The following PTPRJ variants were observed in gnomAD, a reference collection of about 807,000 sequenced individuals.
PTPRJ encodes the protein receptor-type tyrosine-protein phosphatase eta.
In PTPRJ, 129 loss-of-function variants were observed where a neutral mutation model predicts 141.3. That is an observed-to-expected ratio of 0.91 (90% CI 0.79 to 1.06). The LOEUF (loss-of-function observed/expected upper bound fraction) is 1.06, where lower values mean the gene tolerates loss of function less well. PTPRJ is among the 50% of genes least tolerant of loss of function. The probability of loss-of-function intolerance (pLI) is 0.00; values close to 1 mark genes in which losing one functional copy is unlikely to be tolerated. For missense variants in PTPRJ, 1,601 were observed against 1,679.7 expected, an observed-to-expected ratio of 0.95 and a Z score of 0.82; for synonymous variants, 610 against 640.5, an observed-to-expected ratio of 0.95 and a Z score of 0.72.
chr11:48,138,089 T>G (rs1474139973), intron 10 of PTPRJ, among the ~76,000 whole-genome samples: 1 of 152,172 alleles, frequency 6.6e-6, no homozygotes, highest in Non-Finnish European at 1.5e-5. Context: ...ACCTCTTCCC[T>G]TTTTAGCCCA....
intron 1 of PTPRJ, among the ~76,000 whole-genome samples, chr11:48,109,217 A>T (rs1404318325): frequency 6.6e-6 from 1 of 152,066 alleles, no homozygotes; most frequent in East Asian, 1.9e-4. Flanking sequence ...GTGTCATGGA[A>T]AGTAGGAGGA....
intron 1 of PTPRJ, among the ~76,000 whole-genome samples, chr11:48,038,258 G>A (rs774960589): frequency 1.3e-5 from 2 of 152,090 alleles, no homozygotes; most frequent in East Asian, 1.9e-4. Flanking sequence ...TGTTCATGGC[G>A]TAACTTAATA....
intron 1 of PTPRJ, among the ~76,000 whole-genome samples, chr11:48,035,638 T>C (rs1854106579): frequency 6.8e-6 from 1 of 146,036 alleles, no homozygotes; most frequent in African/African-American, 2.5e-5. Flanking sequence ...TCACAGAAAA[T>C]GTTCTATGTA....
chr11:48,139,303 GAGCAGTTGGGT>G (rs1305316552), intron 10 of PTPRJ, among the ~76,000 whole-genome samples, 172 bp from the exon 11 acceptor site: 123 of 152,290 alleles, frequency 8.1e-4, no homozygotes, highest in African/African-American at 2.5e-3. Flanking sequence ...CTGAGGCTCA[GAGCAGTTGGGT>G]GACTGACCCA....
intron 10 of PTPRJ, among the ~76,000 whole-genome samples, chr11:48,138,519 GATA>G (rs1308228935): frequency 6.6e-6 from 1 of 152,116 alleles, no homozygotes; most frequent in Non-Finnish European, 1.5e-5. Context: ...TTCAATTAAT[GATA>G]ATACTGTCCT....
At chr11:48,160,516 A>G (rs916063364) in intron 22 of PTPRJ, among the ~76,000 whole-genome samples, 5 of 152,210 alleles carry the variant, frequency 3.3e-5, no homozygotes, top group Admixed American at 2.0e-4. Context: ...AGCAAATCCA[A>G]TTAAATTGTG....
chr11:48,129,019 T>A (rs1397360973), intron 7 of PTPRJ, among the ~76,000 whole-genome samples: 1 of 152,204 alleles, frequency 6.6e-6, no homozygotes, highest in African/African-American at 2.4e-5. Flanking sequence ...AAAACCCAAG[T>A]ATCCGTGGCT....
rs1242319431 is a variant in PTPRJ, at chr11:47,980,977, C to T, written c.65C>T (p.Pro22Leu). The change falls in exon 1 of 25, where the codon CCG becomes CTG. Residue 22 changes from proline (P) to leucine (L), a missense_variant. Pro to Leu is a moderately conservative substitution (Grantham distance 98, BLOSUM62 -3). Transcript: ENST00000418331. ...PRSPGLRWAL[P>L]LLLLLLRLGQ... ...TCGCCCGGGCTGCGCTGGGCGCTGC[C>T]GCTGCTGCTGCTGCTGCTGCGCCTG... 1.7e-6 allele frequency: 2 copies of T among 1,191,830 alleles called. No homozygotes were observed. Among genetic ancestry groups the T allele is most frequent in the Admixed American group, 4.5e-5 (1 of 22,028 alleles). 73.8% of individuals were successfully genotyped at this position (1,191,830 alleles called of 1,614,324 possible).
rs1420059564 is a variant in PTPRJ, at chr11:48,168,539, T to G, written c.*1177T>G. The G allele has an allele frequency of 2.2e-5, 1 of 44,626 alleles. No individual in the cohort carries two copies. Among genetic ancestry groups the G allele is most frequent in the Non-Finnish European group, 4.3e-5 (1 of 23,178 alleles). 2.8% of individuals were successfully genotyped at this position (44,626 alleles called of 1,614,324 possible). A position where few individuals can be genotyped will look rare whatever the true frequency, so the allele number is the denominator to read the frequency against. On this transcript the variant is annotated 3_prime_UTR_variant, in exon 25 of 25. Transcript: ENST00000418331. The stretch of plus-strand genomic sequence containing the variant: ...CACATATCGGAATCTACTGTGTATA[T>G]ATATATATATATATATATATATATA...
intron 1 of PTPRJ, among the ~76,000 whole-genome samples, chr11:47,986,855 A>G (rs1270532599): frequency 1.3e-5 from 2 of 152,166 alleles, no homozygotes; most frequent in Non-Finnish European, 2.9e-5. Context: ...ACAGAGTAGT[A>G]TGGAATAACT....
rs1384261980 is a variant in PTPRJ at position 48,139,744 on chromosome 11, C to T, written c.2411C>T (p.Pro804Leu). ...GTGTCCTGTGGAAAGATGGCAGCCC[C>T]CACCCGGAACACCTGCACTACTGGC... ...TTVSCGKMAA[P>L]TRNTCTTGIT... Residue 804 changes from proline to leucine, a missense_variant, in exon 11 of 25, where the codon CCC becomes CTC. By Grantham distance (98) the Pro-to-Leu change is moderately conservative. Transcript: ENST00000418331. 2 of 1,614,116 alleles carry T rather than the reference C, an allele frequency of 1.2e-6. No homozygotes were observed. The highest frequency in any genetic ancestry group is 1.7e-6 in the Non-Finnish European group (2 of 1,180,032).
chr11:47,999,057 G>T (rs1322319110), intron 1 of PTPRJ, among the ~76,000 whole-genome samples: 2 of 152,168 alleles, frequency 1.3e-5, no homozygotes, highest in African/African-American at 4.8e-5. Flanking sequence ...AAGAATGTCA[G>T]AGTTGGAAAA....
chr11:48,109,366 A>C (rs2134323399), intron 1 of PTPRJ, among the ~76,000 whole-genome samples: 1 of 152,330 alleles, frequency 6.6e-6, no homozygotes, highest in South Asian at 2.1e-4. Context: ...AGATTTTTAA[A>C]GTATAGGGAA....
At chr11:48,125,574 A>G (rs1856812380) in intron 6 of PTPRJ, among the ~76,000 whole-genome samples, 1 of 152,016 alleles carries the variant, frequency 6.6e-6, no homozygotes, top group Admixed American at 6.6e-5. Flanking sequence ...TCATTTTTTC[A>G]CCCGCCTTGT....
At chr11:48,005,182 A>C (rs1224750449) in intron 1 of PTPRJ, among the ~76,000 whole-genome samples, 1 of 152,000 alleles carries the variant, frequency 6.6e-6, no homozygotes, top group African/African-American at 2.4e-5. Context: ...AGATCATGCC[A>C]CTGCACTCCA....
intron 21 of PTPRJ, among the ~76,000 whole-genome samples, chr11:48,159,453 C>T (rs1857708048): frequency 6.6e-6 from 1 of 152,148 alleles, no homozygotes; most frequent in African/African-American, 2.4e-5. Flanking sequence ...TGTCCTAGGT[C>T]AAGGGACAGC....
Position 48,130,459 on chromosome 11 carries a change from C to A in PTPRJ, c.1358C>A (p.Pro453His). 2 of 1,609,580 alleles carry A rather than the reference C, an allele frequency of 1.2e-6. No individual in the cohort carries two copies. Among genetic ancestry groups the A allele is most frequent in the Non-Finnish European group, 1.7e-6 (2 of 1,177,028 alleles). The change falls in exon 8 of 25, where the codon CCC becomes CAC. Residue 453 changes from proline to histidine, a missense_variant and splice_region_variant. Transcript: ENST00000418331. ...CTAGTTGTTTACTTTCTTTGCATAG[C>A]CCCTGTTCCAGTTTCTGACTTCCGA... ...GTPGFLQVHT[P>H]PVPVSDFRVT...
chr11:47,981,339 C>A (rs1053001712), intron 1 of PTPRJ, among the ~76,000 whole-genome samples: 5 of 152,120 alleles, frequency 3.3e-5, no homozygotes, highest in African/African-American at 1.2e-4. Context: ...ACGGGCCCGG[C>A]TTCCTAGCCG....
intron 1 of PTPRJ, among the ~76,000 whole-genome samples, chr11:48,085,761 G>C (rs532533165): frequency 2.6e-5 from 4 of 152,200 alleles, no homozygotes; most frequent in Admixed American, 6.5e-5. Context: ...GAGCCCTGTG[G>C]ACTATGGAAG....
Sources: allele counts gnomAD v4.1 joint callset (sites outside exome capture counted in the v4.1 genomes callset), GRCh38; gene constraint gnomAD v4.1.1; transcripts MANE v1.5; gene names NCBI Gene and HGNC (gene_info 2026-07-23, HGNC 2026-07-21).